Variants in EML1 observed in about 807,000 individuals in gnomAD.
EML1 encodes EMAP like 1, also known as echinoderm microtubule-associated protein-like 1.
A neutral mutation model predicts 110.4 loss-of-function variants in EML1; 27 were observed. That is an observed-to-expected ratio of 0.24 (90% CI 0.18 to 0.34). EML1 has a LOEUF of 0.34. Ranked by LOEUF, EML1 falls within the 10% of genes least tolerant of loss-of-function variation. The pLI is 1.00. For synonymous variants in EML1, 344 were observed against 385.8 expected (o/e 0.89, Z 1.27); for missense variants, 741 against 1,030.9 (o/e 0.72, Z 3.85).
intron 1 of EML1, among the ~76,000 whole-genome samples, chr14:99,833,184 T>C (rs547895104): frequency 6.6e-6 from 1 of 152,248 alleles, no homozygotes; most frequent in Non-Finnish European, 1.5e-5. Flanking sequence ...TTTTTGCATA[T>C]GGTGCAATGT....
chr14:99,923,496 G>C (rs924284372), intron 17 of EML1, among the ~76,000 whole-genome samples: 1 of 152,228 alleles, frequency 6.6e-6, no homozygotes, highest in East Asian at 1.9e-4. Context: ...GGAAGAGCCT[G>C]TTTGCTCTGC....
At chr14:99,846,613 C>T (rs180744073) in intron 1 of EML1, among the ~76,000 whole-genome samples, 1 of 152,066 alleles carries the variant, frequency 6.6e-6, no homozygotes, top group East Asian at 1.9e-4. Flanking sequence ...TCAAGGCCAA[C>T]CCCTGCTTGA....
chr14:99,856,377 G>A (rs1437764077), intron 2 of EML1, among the ~76,000 whole-genome samples: 1 of 152,120 alleles, frequency 6.6e-6, no homozygotes, highest in Middle Eastern at 3.2e-3. Context: ...ATCATATTCA[G>A]CACATCATTG....
At chr14:99,922,348 T>C (rs1045214273) in intron 17 of EML1, among the ~76,000 whole-genome samples, 7 of 152,142 alleles carry the variant, frequency 4.6e-5, no homozygotes, top group Non-Finnish European at 8.8e-5. Flanking sequence ...ACTCCTGACC[T>C]CAGGTGATCC....
At position 99,850,980 on chromosome 14, in the gene EML1, G is replaced by A. The variant is rs190219526; in HGVS notation, c.195G>A (p.Arg65=). 7 of 1,614,160 alleles carry A rather than the reference G, an allele frequency of 4.3e-6. No individual in the cohort carries two copies. In the Admixed American group the frequency reaches 1.0e-4, roughly 23 times the overall value. Residue 65 remains arginine (R), a synonymous_variant, in exon 2 of 22, where the codon CGG becomes CGA. Coordinates refer to ENST00000262233, the MANE Select transcript of EML1 (RefSeq NM_004434.3). The part of the protein sequence containing the change: ...LKSALADVVR[R]LNITEEQQAV... ...CAGCTCTAGCTGATGTGGTTCGGCGGCTGAACATTACTGAGGAACAGCAGG... is the reference window on the plus strand; with the variant it reads ...CAGCTCTAGCTGATGTGGTTCGGCGACTGAACATTACTGAGGAACAGCAGG...
chr14:99,790,993 G>T (rs1039044787), upstream of EML1, among the ~76,000 whole-genome samples: 12 of 151,930 alleles, frequency 7.9e-5, no homozygotes, highest in African/African-American at 2.9e-4. Context: ...AAATAGCTAG[G>T]ACTATAGGTG....
chr14:99,828,254 T>A (rs138130452), intron 1 of EML1, among the ~76,000 whole-genome samples: 2 of 152,188 alleles, frequency 1.3e-5, no homozygotes, highest in Admixed American at 6.5e-5. Context: ...AAATGGAAAA[T>A]TTCAGAAATA....
rs1308433332 is a variant in EML1 at position 99,939,884 on chromosome 14, C to T, written c.2323-103C>T. The T allele has an allele frequency of 2.2e-6, 3 of 1,371,162 alleles. No homozygotes were observed. Among genetic ancestry groups the T allele is most frequent in the Non-Finnish European group, 2.9e-6 (3 of 1,037,882 alleles). The allele number at this position is 1,371,162 out of a possible 1,614,324, so 84.9% of individuals were successfully genotyped here. On this transcript the variant is annotated intron_variant, in intron 21 of 21. Coordinates refer to ENST00000262233, the MANE Select transcript of EML1 (RefSeq NM_004434.3). This position sits in a 1 kb window ranked among gnomAD's most constrained non-coding sequence, Gnocchi z 4.2. ...CAAGTGAGAGCTGCCGAGCGGAGGG[C>T]GAGTAAAGGAATTAAGGCATGCAGT...
chr14:99,750,552 A>G (rs2057164360), intron 1 of EML1, among the ~76,000 whole-genome samples: 1 of 152,190 alleles, frequency 6.6e-6, no homozygotes, highest in Admixed American at 6.5e-5. Flanking sequence ...TTGTGTGCAA[A>G]ACAAAGCTGA....
chr14:99,746,371 G>C (rs959828723), intron 1 of EML1, among the ~76,000 whole-genome samples: 1 of 152,150 alleles, frequency 6.6e-6, no homozygotes, highest in Non-Finnish European at 1.5e-5. Context: ...TGAACTTTTC[G>C]GGAGGAGGGA....
At chr14:99,933,865 C>T (rs1451344709) in intron 17 of EML1, among the ~76,000 whole-genome samples, 5 of 152,134 alleles carry the variant, frequency 3.3e-5, no homozygotes, top group Non-Finnish European at 5.9e-5. Context: ...GAGGCCAAGG[C>T]GGGTGGATCA....
At chr14:99,918,815 T>A (rs2060077708) in intron 16 of EML1, among the ~76,000 whole-genome samples, 1 of 151,956 alleles carries the variant, frequency 6.6e-6, no homozygotes, top group Admixed American at 6.6e-5. Flanking sequence ...ACCCCATCTC[T>A]AAAAAAAATT....
At chr14:99,850,220 G>A in intron 1 of EML1, 2 of 1,175,572 alleles carry the variant, frequency 1.7e-6, no homozygotes, top group Non-Finnish European at 2.3e-6. Flanking sequence ...TGTGTTCTCT[G>A]GTTGGAGCAC....
rs551186248 is a variant in EML1, at chr14:99,784,107, T to C, written c.-27+10094T>C. ...ACTTTTTCTTGTCTTCTTTTTTTTT[T>C]TGAGATAGGATCTTGCTCTGTCGCC... is the stretch of plus-strand genomic sequence containing the variant. On this transcript the variant is annotated intron_variant, in intron 1 of 22. Coordinates refer to the EML1 transcript ENST00000327921. This position sits in a 1 kb window ranked among gnomAD's most constrained non-coding sequence, Gnocchi z 4.5. 1.7e-4 allele frequency among the ~76,000 whole-genome samples: 26 copies of C among 152,292 alleles called. No individual in the cohort carries two copies. Among genetic ancestry groups the C allele is most frequent in the African/African-American group, 6.3e-4 (26 of 41,558 alleles).
chr14:99,850,069 A>G, intron 1 of EML1: 3 of 352,892 alleles, frequency 8.5e-6, no homozygotes, highest in South Asian at 2.2e-5. Context: ...AGCTGGTACT[A>G]CAGGCACATA....
intron 1 of EML1, among the ~76,000 whole-genome samples, chr14:99,763,594 G>A (rs945813778): frequency 7.2e-5 from 11 of 152,250 alleles, no homozygotes; most frequent in Non-Finnish European, 1.0e-4. Context: ...TTATTTGTAG[G>A]AATCACTGCG....
At chr14:99,821,988 C>T (rs1417528209) in intron 1 of EML1, among the ~76,000 whole-genome samples, 1 of 152,178 alleles carries the variant, frequency 6.6e-6, no homozygotes, top group East Asian at 1.9e-4. Flanking sequence ...AATGCTGCCA[C>T]GTGGCTGTGG....
At chr14:99,904,580 C>T (rs2059813314) in intron 9 of EML1, among the ~76,000 whole-genome samples, 1 of 152,180 alleles carries the variant, frequency 6.6e-6, no homozygotes, top group Non-Finnish European at 1.5e-5. Context: ...AATCAAAGCT[C>T]TTTCATATAT....
chr14:99,902,345 T>C (rs7146313), intron 9 of EML1, among the ~76,000 whole-genome samples: 5,054 of 152,190 alleles, frequency 0.033, 285 homozygotes, highest in African/African-American at 0.12. Context: ...GATCCAGATA[T>C]TTACATTACC....
Sources: allele counts gnomAD v4.1 joint callset (sites outside exome capture counted in the v4.1 genomes callset), GRCh38; gene constraint gnomAD v4.1.1; non-coding constraint Gnocchi (gnomAD v3.1); transcripts MANE v1.5; gene names NCBI Gene and HGNC (gene_info 2026-07-23, HGNC 2026-07-21).